Variants in PLCL1 observed in about 807,000 individuals in gnomAD.
PLCL1 encodes inactive phospholipase C-like protein 1.
Under a neutral mutation model 84.4 loss-of-function variants are expected in PLCL1, and 41 were observed. The observed-to-expected ratio is 0.49, with a 90% CI of 0.38 to 0.63. PLCL1 has a LOEUF of 0.63. PLCL1 is among the 30% of genes least tolerant of loss of function. PLCL1 has a pLI of 0.00. For synonymous variants in PLCL1, 490 were observed against 488.3 expected, an observed-to-expected ratio of 1.00 and a Z score of -0.05; for missense variants, 1,206 against 1,367.8, an observed-to-expected ratio of 0.88 and a Z score of 1.87.
chr2:197,978,969 A>G (rs1574980406), intron 1 of PLCL1, among the ~76,000 whole-genome samples: 1 of 152,244 alleles, frequency 6.6e-6, no homozygotes, highest in African/African-American at 2.4e-5. Context: ...CATCAACATA[A>G]TAACAGAGTG....
At chr2:198,090,863 A>G (rs184831682) in intron 3 of PLCL1, among the ~76,000 whole-genome samples, 50 of 152,302 alleles carry the variant, frequency 3.3e-4, no homozygotes, top group African/African-American at 1.1e-3. Flanking sequence ...GCAGAAGGAT[A>G]CCTGGTCTGG....
At chr2:198,086,329 G>A in intron 2 of PLCL1, 97 bp downstream of exon 2, 3 of 865,988 alleles carry the variant, frequency 3.5e-6, no homozygotes, top group Non-Finnish European at 5.3e-6. Flanking sequence ...TTATCAGAAA[G>A]ATTGTTTAAG....
rs1694593647 is a variant in PLCL1, at chr2:198,149,393, CG to C, written c.*2434del. On this transcript the variant is annotated 3_prime_UTR_variant, in exon 6 of 6. Coordinates refer to ENST00000428675, the MANE Select transcript of PLCL1 (RefSeq NM_006226.4). ...CCAATAGGATCTGAGGTGGAGATGG[CG>C]GGTATTATCACTGGCATTTTACAGG... 2.0e-5 allele frequency: 3 copies of C among 151,910 alleles called. No homozygotes were observed. The highest frequency in any genetic ancestry group is 4.8e-5 in the African/African-American group (2 of 41,374). The allele number at this position is 151,910 out of a possible 1,614,324, so 9.4% of individuals were successfully genotyped here. A position where few individuals can be genotyped will look rare whatever the true frequency, so the allele number is the denominator to read the frequency against.
At chr2:198,000,665 C>G (rs539808239) in intron 1 of PLCL1, among the ~76,000 whole-genome samples, 1 of 151,808 alleles carries the variant, frequency 6.6e-6, no homozygotes, top group South Asian at 2.1e-4. Flanking sequence ...AACTGGTGTT[C>G]ACAGGGGCAA....
intron 1 of PLCL1, among the ~76,000 whole-genome samples, chr2:197,918,777 C>CA (rs1356059479): frequency 6.6e-6 from 1 of 151,892 alleles, no homozygotes. Context: ...TCCCAAAAAA[C>CA]AAAAAACGAA....
intron 4 of PLCL1, among the ~76,000 whole-genome samples, 159 bp from the exon 5 acceptor site, chr2:198,103,665 TTGG>T (rs1693399470): frequency 6.6e-6 from 1 of 152,046 alleles, no homozygotes; most frequent in African/African-American, 2.4e-5. Flanking sequence ...GGACAGCTAC[TTGG>T]TGGGATGAAC....
chr2:197,818,460 TTCCACTTACCTCA>T (rs1481942275), intron 1 of PLCL1, among the ~76,000 whole-genome samples: 1 of 152,118 alleles, frequency 6.6e-6, no homozygotes, highest in Admixed American at 6.6e-5. Context: ...AGCCTATTCC[TTCCACTTACCTCA>T]TTGTAAGGTG....
intron 1 of PLCL1, among the ~76,000 whole-genome samples, chr2:197,900,884 T>C (rs1688251321): frequency 6.6e-6 from 1 of 152,190 alleles, no homozygotes; most frequent in Non-Finnish European, 1.5e-5. Flanking sequence ...CATTCCTACC[T>C]CAAGGCTTTC....
At chr2:197,870,667 C>T (rs183770716) in intron 1 of PLCL1, among the ~76,000 whole-genome samples, 1 of 152,216 alleles carries the variant, frequency 6.6e-6, no homozygotes, top group East Asian at 1.9e-4. Context: ...AACATCTATT[C>T]AAAGAGTGGA....
rs559372463 is a variant in PLCL1, at chr2:197,855,587, A to G, written c.240+50248A>G. ...TCTACAGGCTTCTCCAGAACAATCT[A>G]GTTGGCTGGGTTTTAATTTATCTGC... On this transcript the variant is annotated intron_variant, in intron 1 of 5. Coordinates refer to ENST00000428675, the MANE Select transcript of PLCL1 (RefSeq NM_006226.4). Among the ~76,000 whole-genome samples, 18 of 152,202 alleles carry G rather than the reference A, an allele frequency of 1.2e-4. No homozygotes were observed. In the South Asian group the frequency reaches 3.3e-3, roughly 28 times the overall value.
At chr2:198,122,524 G>A (rs1389381998) in intron 5 of PLCL1, among the ~76,000 whole-genome samples, 5 of 151,722 alleles carry the variant, frequency 3.3e-5, no homozygotes, top group African/African-American at 7.3e-5. Context: ...TCTCCTCCCC[G>A]GTATTCACTT....
chr2:197,834,503 C>T (rs1045330614), intron 1 of PLCL1, among the ~76,000 whole-genome samples: 1 of 152,192 alleles, frequency 6.6e-6, no homozygotes, highest in Non-Finnish European at 1.5e-5. Context: ...TGAACAGACA[C>T]TTCTCAAAAG....
At chr2:197,890,847 G>A (rs1419304291) in intron 1 of PLCL1, among the ~76,000 whole-genome samples, 2 of 17,758 alleles carry the variant, frequency 1.1e-4, no homozygotes, top group Admixed American at 8.2e-4. Flanking sequence ...ATATATGCAC[G>A]CATATATATG....
chr2:198,129,874 A>G (rs2105935218), intron 5 of PLCL1, among the ~76,000 whole-genome samples: 1 of 152,228 alleles, frequency 6.6e-6, no homozygotes, highest in South Asian at 2.1e-4. Flanking sequence ...ACTCCATTAA[A>G]TCATTCTCAC....
At chr2:198,146,436 C>A (rs766374390) in intron 5 of PLCL1, among the ~76,000 whole-genome samples, 6 of 151,954 alleles carry the variant, frequency 3.9e-5, no homozygotes, top group Non-Finnish European at 8.8e-5. Flanking sequence ...TGGATCTGGG[C>A]GGGGTAGGTA....
intron 1 of PLCL1, among the ~76,000 whole-genome samples, chr2:198,028,296 T>A (rs1691322421): frequency 6.7e-6 from 1 of 150,180 alleles, no homozygotes. Flanking sequence ...AAAAATTTCC[T>A]AGTCTTATTA....
Position 198,147,079 on chromosome 2 carries a change from G to C in PLCL1, c.*117G>C. On this transcript the variant is annotated 3_prime_UTR_variant, in exon 6 of 6. Coordinates refer to ENST00000428675, the MANE Select transcript of PLCL1 (RefSeq NM_006226.4). The stretch of plus-strand genomic sequence containing the variant: ...AAATGGTGCCCTATATGGGGTATTG[G>C]ACATAGATATTTTCACAATGTCAGT... 1.4e-6 allele frequency: 1 copy of C among 700,812 alleles called. No individual in the cohort carries two copies. Among genetic ancestry groups the C allele is most frequent in the Non-Finnish European group, 2.3e-6 (1 of 433,060 alleles). The allele number at this position is 700,812 out of a possible 1,614,324, so 43.4% of individuals were successfully genotyped here.
intron 1 of PLCL1, among the ~76,000 whole-genome samples, chr2:198,010,404 T>C (rs1690839467): frequency 6.6e-6 from 1 of 152,108 alleles, no homozygotes; most frequent in South Asian, 2.1e-4. Context: ...AAATGTCTTT[T>C]CTGCATTGAT....
chr2:197,917,083 T>G (rs1688613095), intron 1 of PLCL1, among the ~76,000 whole-genome samples: 2 of 152,228 alleles, frequency 1.3e-5, no homozygotes, highest in African/African-American at 4.8e-5. Context: ...ACAGCCACTT[T>G]AAAAGATAGT....
Sources: gnomAD v4.1 joint callset for allele counts (sites outside exome capture counted in the v4.1 genomes callset) on GRCh38, gnomAD v4.1.1 for gene constraint, MANE v1.5 for transcripts, NCBI Gene and HGNC (gene_info 2026-07-23, HGNC 2026-07-21) for gene names.